The following CLSTN1 variants were observed in gnomAD, a reference collection of about 807,000 sequenced individuals.
CLSTN1 encodes the protein calsyntenin 1.
A neutral mutation model predicts 108.3 loss-of-function variants in CLSTN1; 28 were observed. That is an observed-to-expected ratio of 0.26 (90% CI 0.19 to 0.35). The LOEUF (loss-of-function observed/expected upper bound fraction) is 0.35. Ranked by LOEUF, CLSTN1 falls within the 10% of genes least tolerant of loss-of-function variation. The pLI, the probability that CLSTN1 is intolerant of heterozygous loss-of-function variation, is 1.00. For synonymous variants in CLSTN1, 524 were observed against 534.9 expected (o/e 0.98, Z 0.28); for missense variants, 1,157 against 1,302.6 (o/e 0.89, Z 1.72).
chr1:9,783,027 A>G (rs906117056), intron 1 of CLSTN1, among the ~76,000 whole-genome samples: 9 of 152,024 alleles, frequency 5.9e-5, no homozygotes, highest in Non-Finnish European at 1.3e-4. Flanking sequence ...AGAGAGAGAG[A>G]GGCTGGACCC....
intron 7 of CLSTN1, among the ~76,000 whole-genome samples, chr1:9,748,510 C>T (rs1651391032): frequency 6.6e-6 from 1 of 152,190 alleles, no homozygotes; most frequent in Admixed American, 6.5e-5. Context: ...CTTTTTGAGA[C>T]AGGTTCTCAC....
In CLSTN1 at chr1:9,749,775, G is replaced by C. The variant is rs1651464389; in HGVS notation, c.788C>G (p.Pro263Arg). 6.2e-7 allele frequency: 1 copy of C among 1,614,032 alleles called. No individual in the cohort carries two copies. Among genetic ancestry groups the C allele is most frequent in the Non-Finnish European group, 8.5e-7 (1 of 1,180,034 alleles). ...VKISIKPTCT[P>R]GWQGWNNRIE... ...AGAATGAAGCTCACCTTGCCACCCA[G>C]GGGTGCAGGTGGGCTTAATGCTGAT... Residue 263 changes from proline (P) to arginine (R), a missense_variant, in exon 6 of 19, where the codon CCT (proline) becomes CGT (arginine). By Grantham distance (103) the Pro-to-Arg change is moderately radical. Transcript: ENST00000377298.
chr1:9,739,201 C>A (rs1650847319), intron 10 of CLSTN1, among the ~76,000 whole-genome samples: 2 of 152,122 alleles, frequency 1.3e-5, no homozygotes, highest in African/African-American at 4.8e-5. Flanking sequence ...GTAGGCTACA[C>A]ACCACAGCAG....
chr1:9,811,966 T>C (rs1654777250), intron 1 of CLSTN1, among the ~76,000 whole-genome samples: 1 of 152,032 alleles, frequency 6.6e-6, no homozygotes, highest in Admixed American at 6.6e-5. Context: ...TTAAACCCCA[T>C]CTCTACTAAA....
At chr1:9,821,989 C>A (rs1245091321) in intron 1 of CLSTN1, among the ~76,000 whole-genome samples, 1 of 152,128 alleles carries the variant, frequency 6.6e-6, no homozygotes, top group Non-Finnish European at 1.5e-5. Flanking sequence ...TTTAAGTAAC[C>A]AAGGCAATTA....
At chr1:9,816,260 A>T (rs1019646981) in intron 1 of CLSTN1, among the ~76,000 whole-genome samples, 2 of 152,192 alleles carry the variant, frequency 1.3e-5, no homozygotes, top group Non-Finnish European at 2.9e-5. Flanking sequence ...CTAGTCACAA[A>T]AGGCCACGTA....
At chr1:9,802,378 T>C (rs1449182904) in intron 1 of CLSTN1, among the ~76,000 whole-genome samples, 1 of 152,152 alleles carries the variant, frequency 6.6e-6, no homozygotes, top group Admixed American at 6.6e-5. Context: ...GCCAGACCAT[T>C]TCTAAAGCTC....
At chr1:9,793,006 C>T (rs761419161) in intron 1 of CLSTN1, among the ~76,000 whole-genome samples, 12 of 151,122 alleles carry the variant, frequency 7.9e-5, no homozygotes, top group African/African-American at 1.7e-4. Flanking sequence ...TCGATTAAAA[C>T]GCAGATCCCT....
At chr1:9,731,065 G>A (rs777042216) in intron 18 of CLSTN1, 141 bp downstream of exon 18, 23 of 992,754 alleles carry the variant, frequency 2.3e-5, no homozygotes, top group Middle Eastern at 5.7e-4. Context: ...GTTTACCCAC[G>A]AAGACACCTA....
chr1:9,730,377 C>T lies in CLSTN1; in HGVS notation c.*131G>A, dbSNP rs1041392917. ...GGGTCCTACACACCAAGCACAGCGA[C>T]GATCGTGGCGGGGAGGGGTCTGCAC... is the stretch of plus-strand genomic sequence containing the variant. On this transcript the variant is annotated 3_prime_UTR_variant, in exon 19 of 19. Coordinates refer to ENST00000377298, the MANE Select transcript of CLSTN1 (RefSeq NM_001009566.3). This position sits in a 1 kb window ranked among gnomAD's most constrained non-coding sequence, Gnocchi z 5.6. The T allele has an allele frequency of 5.8e-5, 48 of 826,910 alleles. No homozygotes were observed. The highest frequency in any genetic ancestry group is 5.2e-4 in the African/African-American group (31 of 60,054). 51.2% of individuals were successfully genotyped at this position (826,910 alleles called of 1,614,324 possible).
chr1:9,781,469 G>A (rs1351086644), intron 1 of CLSTN1, among the ~76,000 whole-genome samples: 1 of 150,654 alleles, frequency 6.6e-6, no homozygotes, highest in South Asian at 2.1e-4. Context: ...TTGAGGCGGA[G>A]TTTCGCTCTT....
At chr1:9,785,334 A>T (rs982483037) in intron 1 of CLSTN1, among the ~76,000 whole-genome samples, 4 of 146,816 alleles carry the variant, frequency 2.7e-5, no homozygotes, top group African/African-American at 5.0e-5. Flanking sequence ...AATTACTCTT[A>T]TTTTTTTTTT....
chr1:9,745,333 T>C (rs1485690562), intron 7 of CLSTN1, among the ~76,000 whole-genome samples: 1 of 151,820 alleles, frequency 6.6e-6, no homozygotes, highest in Non-Finnish European at 1.5e-5. Context: ...CTTTGGTAAA[T>C]ATACACAAAA....
At chr1:9,767,714 C>A (rs1652414631) in intron 2 of CLSTN1, among the ~76,000 whole-genome samples, 1 of 152,116 alleles carries the variant, frequency 6.6e-6, no homozygotes, top group African/African-American at 2.4e-5. Context: ...TCACCCAAAT[C>A]AATCTAAGAT....
intron 2 of CLSTN1, among the ~76,000 whole-genome samples, chr1:9,764,019 C>T (rs1474543540): frequency 6.6e-6 from 1 of 152,082 alleles, no homozygotes; most frequent in Non-Finnish European, 1.5e-5. Flanking sequence ...TGGGCATCTG[C>T]ATCTGATGAG....
In CLSTN1 at chr1:9,823,306, C is replaced by A. The variant is rs1166161547; in HGVS notation, c.91+337G>T. Among the ~76,000 whole-genome samples the A allele has an allele frequency of 2.0e-5, 3 of 152,220 alleles. No homozygotes were observed. The highest frequency in any genetic ancestry group is 1.3e-4 in the Admixed American group (2 of 15,280). ...CCCTTCGGCCCGTCTGCACGTTCCC[C>A]CAAATCAGCGCAGCCACCACCATGG... On this transcript the variant is annotated intron_variant, in intron 1 of 18. Transcript: ENST00000377298. This position sits in a 1 kb window ranked among gnomAD's most constrained non-coding sequence, Gnocchi z 6.3.
At chr1:9,810,341 G>A (rs978447330) in intron 1 of CLSTN1, among the ~76,000 whole-genome samples, 1 of 134,546 alleles carries the variant, frequency 7.4e-6, no homozygotes, top group Non-Finnish European at 1.6e-5. Context: ...TCAGGTGTGG[G>A]AGTGTACACC....
intron 4 of CLSTN1, among the ~76,000 whole-genome samples, chr1:9,753,507 T>C (rs912197542): frequency 3.9e-5 from 6 of 152,182 alleles, no homozygotes; most frequent in Admixed American, 2.0e-4. Context: ...TTTTTTTTTT[T>C]TGAGACGGAG....
At chr1:9,753,304 C>T (rs1203980874) in intron 4 of CLSTN1, among the ~76,000 whole-genome samples, 1 of 152,128 alleles carries the variant, frequency 6.6e-6, no homozygotes, top group Admixed American at 6.6e-5. Context: ...TGACCTCCTG[C>T]TGTGTGGCCT....
Sources: gnomAD v4.1 joint callset for allele counts (sites outside exome capture counted in the v4.1 genomes callset) on GRCh38, gnomAD v4.1.1 for gene constraint, Gnocchi (gnomAD v3.1) non-coding constraint, MANE v1.5 for transcripts, NCBI Gene and HGNC (gene_info 2026-07-23, HGNC 2026-07-21) for gene names.